PLAGL1: variants seen among roughly 807,000 people sequenced by gnomAD.
PLAGL1 encodes the protein zinc finger protein PLAGL1.
A neutral mutation model predicts 4.6 loss-of-function variants in PLAGL1; 1 was observed. That is an observed-to-expected ratio of 0.22 (90% CI 0.08 to 1.03). The LOEUF is 1.03. Ranked by LOEUF, PLAGL1 falls within the 50% of genes least tolerant of loss-of-function variation. The probability of loss-of-function intolerance (pLI) is 0.58; values close to 1 mark genes in which losing one functional copy is unlikely to be tolerated. For synonymous variants in PLAGL1, 240 were observed against 237.8 expected, an observed-to-expected ratio of 1.01 and a Z score of -0.08; for missense variants, 464 against 570.4, an observed-to-expected ratio of 0.81 and a Z score of 1.90.
rs903841947 is a variant in PLAGL1, at chr6:143,954,010, C to G, written c.-324-5550G>C. Among the ~76,000 whole-genome samples the G allele has an allele frequency of 6.6e-6, 1 of 152,152 alleles. No individual in the cohort carries two copies. Among genetic ancestry groups the G allele is most frequent in the Non-Finnish European group, 1.5e-5 (1 of 68,028 alleles). On this transcript the variant is annotated intron_variant, in intron 6 of 7. Coordinates refer to ENST00000674357, the MANE Select transcript of PLAGL1 (RefSeq NM_001317162.2). This position sits in a 1 kb window ranked among gnomAD's most constrained non-coding sequence, Gnocchi z 5.1. Reference sequence around the variant, plus strand: ...GACTGTATGAAAGTGGGGGAGTAGCCTGACACAGGGTGAATGTCCTCTCTC... The same window carrying G: ...GACTGTATGAAAGTGGGGGAGTAGCGTGACACAGGGTGAATGTCCTCTCTC...
rs141627165 is a variant in PLAGL1 at position 143,941,876 on chromosome 6, C to A, written c.940G>T (p.Ala314Ser). ...GTATCTGCTTTGAGGGGCAGGCTTG[C>A]AAGTGGGGAGTATGAGGTAGAAGTG... ...NTTSTSYSPLASLPLKADTKG... is the reference protein window; with the variant it reads ...NTTSTSYSPLSSLPLKADTKG... The change falls in exon 8 of 8, where the codon GCA becomes TCA. Residue 314 changes from alanine (A) to serine (S), a missense_variant. Coordinates refer to ENST00000674357, the MANE Select transcript of PLAGL1 (RefSeq NM_001317162.2). The surrounding 1 kb of genome is among the most constrained non-coding windows in gnomAD (Gnocchi z 6.0). 138 of 1,614,012 alleles carry A rather than the reference C, an allele frequency of 8.6e-5. 1 individual carries two copies. The highest frequency in any genetic ancestry group is 1.1e-4 in the Non-Finnish European group (125 of 1,180,024).
At position 143,948,764 on chromosome 6, in the gene PLAGL1, AAAC is replaced by A. The variant is rs3060705; in HGVS notation, c.-324-307_-324-305del. Reference sequence around the variant, plus strand: ...GTGAAGCTCCATTGACCAAAGAGAAAAACAACAACAACAACAACAACAACAACA... The same window carrying A: ...GTGAAGCTCCATTGACCAAAGAGAAAAACAACAACAACAACAACAACAACA... On this transcript the variant is annotated intron_variant, in intron 6 of 7. Transcript: ENST00000674357. This position sits in a 1 kb window ranked among gnomAD's most constrained non-coding sequence, Gnocchi z 6.0. Among the ~76,000 whole-genome samples, 1,793 of 107,234 alleles carry A rather than the reference AAAC, an allele frequency of 0.017. 12 individuals are homozygous for A. The highest frequency in any genetic ancestry group is 0.031 in the East Asian group (125 of 4,010). The allele number at this position is 107,234 out of a possible 152,430, so 70.3% of individuals were successfully genotyped here.
In PLAGL1 at chr6:144,005,441, A is replaced by T. The variant is rs1266862143; in HGVS notation, c.-584+2649T>A. The T allele has an allele frequency of 6.6e-6, 1 of 152,214 alleles. No homozygotes were observed. Among genetic ancestry groups the T allele is most frequent in the Non-Finnish European group, 1.5e-5 (1 of 68,020 alleles). 9.4% of individuals were successfully genotyped at this position (152,214 alleles called of 1,614,324 possible). Reference sequence around the variant, plus strand: ...TGTATGTGACAGAAGTGGCACTGCTAATCACTGATATTGGGACAATTACCT... The same window carrying T: ...TGTATGTGACAGAAGTGGCACTGCTTATCACTGATATTGGGACAATTACCT... On this transcript the variant is annotated intron_variant, in intron 1 of 7. Coordinates refer to ENST00000674357, the MANE Select transcript of PLAGL1 (RefSeq NM_001317162.2). This position sits in a 1 kb window ranked among gnomAD's most constrained non-coding sequence, Gnocchi z 4.6.
rs1795358191 is a variant in PLAGL1, at chr6:144,013,635, C to G, written c.-150-44657G>C. 6.6e-6 allele frequency among the ~76,000 whole-genome samples: 1 copy of G among 152,254 alleles called. No individual in the cohort carries two copies. The highest frequency in any genetic ancestry group is 2.4e-5 in the African/African-American group (1 of 41,470). On this transcript the variant is annotated intron_variant, in intron 1 of 3. Transcript: ENST00000437412. This position sits in a 1 kb window ranked among gnomAD's most constrained non-coding sequence, Gnocchi z 4.4. ...TCTAGTGGAGATTCCTTCCTCACAA[C>G]TTCCAGCTTTTGGTGACCACTGCCA...
rs138029384 is a variant in PLAGL1 at position 144,022,665 on chromosome 6, T to C, written c.-151+41803A>G. On this transcript the variant is annotated intron_variant, in intron 1 of 3. Coordinates refer to the PLAGL1 transcript ENST00000437412. The surrounding 1 kb of genome is among the most constrained non-coding windows in gnomAD (Gnocchi z 4.2). Reference sequence around the variant, plus strand: ...TAAGTTTCACCAGATCTGATGGTTTTATGAAAGGGAGTTCCCTTGCACAAG... The same window carrying C: ...TAAGTTTCACCAGATCTGATGGTTTCATGAAAGGGAGTTCCCTTGCACAAG... Among the ~76,000 whole-genome samples, 1,471 of 152,316 alleles carry C rather than the reference T, an allele frequency of 9.7e-3. 11 individuals are homozygous for C. Among genetic ancestry groups the C allele is most frequent in the Middle Eastern group, 0.024 (7 of 294 alleles).
chr6:144,020,474 G>T (rs1290461969), intron 1 of PLAGL1, among the ~76,000 whole-genome samples: 1 of 151,626 alleles, frequency 6.6e-6, no homozygotes, highest in Non-Finnish European at 1.5e-5. Context: ...TCTTTAGTAG[G>T]GTTGGAGTTT....
Position 144,016,577 on chromosome 6 carries a change from T to A in PLAGL1, c.-150-47599A>T, listed in dbSNP as rs999757354. 1.3e-5 allele frequency among the ~76,000 whole-genome samples: 2 copies of A among 152,196 alleles called. No homozygotes were observed. Among genetic ancestry groups the A allele is most frequent in the African/African-American group, 2.4e-5 (1 of 41,450 alleles). On this transcript the variant is annotated intron_variant, in intron 1 of 3. Coordinates refer to the PLAGL1 transcript ENST00000437412. This position sits in a 1 kb window ranked among gnomAD's most constrained non-coding sequence, Gnocchi z 4.2. Reference sequence around the variant, plus strand: ...AAATTTTAGAAACACAAAATTATAGTCTTTCTAAAGCAGATCAATAGTTTT... The same window carrying A: ...AAATTTTAGAAACACAAAATTATAGACTTTCTAAAGCAGATCAATAGTTTT...
rs1793728934 is a variant in PLAGL1, at chr6:144,004,547, T to C, written c.-584+3543A>G. Among the ~76,000 whole-genome samples the C allele has an allele frequency of 6.6e-6, 1 of 152,192 alleles. No homozygotes were observed. Among genetic ancestry groups the C allele is most frequent in the African/African-American group, 2.4e-5 (1 of 41,440 alleles). On this transcript the variant is annotated intron_variant, in intron 1 of 7. Coordinates refer to ENST00000674357, the MANE Select transcript of PLAGL1 (RefSeq NM_001317162.2). This position sits in a 1 kb window ranked among gnomAD's most constrained non-coding sequence, Gnocchi z 4.2. ...TTTAAAAACATTTGAAAATAATACA[T>C]GGTCATAGAAATCGGGACAGTAGTT...
At position 143,947,093 on chromosome 6, in the gene PLAGL1, A is replaced by G. The variant is rs941249185; in HGVS notation, c.152+892T>C. ...AGACTAAATGTAATTTTTTAAAAAGACTCATCTGCTAAAACAGTGCTTTTT... is the reference window on the plus strand; with the variant it reads ...AGACTAAATGTAATTTTTTAAAAAGGCTCATCTGCTAAAACAGTGCTTTTT... On this transcript the variant is annotated intron_variant, in intron 7 of 7. Transcript: ENST00000674357. This position sits in a 1 kb window ranked among gnomAD's most constrained non-coding sequence, Gnocchi z 4.3. 6.6e-6 allele frequency among the ~76,000 whole-genome samples: 1 copy of G among 152,180 alleles called. No homozygotes were observed. Among genetic ancestry groups the G allele is most frequent in the Non-Finnish European group, 1.5e-5 (1 of 68,032 alleles).
intron 1 of PLAGL1, among the ~76,000 whole-genome samples, chr6:144,035,756 T>C (rs1181274170): frequency 6.6e-6 from 1 of 152,222 alleles, no homozygotes; most frequent in African/African-American, 2.4e-5. Context: ...TTCTTGTTTT[T>C]TCTTCTTTTT....
chr6:144,007,831 T>G (rs2281476), intron 1 of PLAGL1: 2 of 152,058 alleles, frequency 1.3e-5, no homozygotes, highest in African/African-American at 4.8e-5. Context: ...GTGGACCTCA[T>G]ACCAGATAGG....
chr6:143,991,828 T>C (rs1790537734), intron 1 of PLAGL1, among the ~76,000 whole-genome samples: 2 of 152,214 alleles, frequency 1.3e-5, no homozygotes, highest in African/African-American at 4.8e-5. Flanking sequence ...TGCCCTGTTA[T>C]ATGCAGTACC....
At chr6:144,044,846 G>A (rs1467461658) in intron 1 of PLAGL1, among the ~76,000 whole-genome samples, 2 of 152,128 alleles carry the variant, frequency 1.3e-5, no homozygotes, top group Admixed American at 1.3e-4. Flanking sequence ...TTATGAATCT[G>A]GGTGCTCCTG....
rs890735503 is a variant in PLAGL1, at chr6:144,053,799, T to A, written c.-151+10669A>T. ...AGTGAACATAGTTATAACCTCGAGA[T>A]CCTTATCAGCACATCCTTCTAGGCA... On this transcript the variant is annotated intron_variant, in intron 1 of 3. Coordinates refer to the PLAGL1 transcript ENST00000437412. The surrounding 1 kb of genome is among the most constrained non-coding windows in gnomAD (Gnocchi z 4.0). Among the ~76,000 whole-genome samples the A allele has an allele frequency of 1.1e-4, 16 of 152,188 alleles. No individual in the cohort carries two copies. The highest frequency in any genetic ancestry group is 3.6e-4 in the African/African-American group (15 of 41,444).
At chr6:144,019,712 T>TG (rs372800807) in intron 1 of PLAGL1, among the ~76,000 whole-genome samples, 40 of 150,134 alleles carry the variant, frequency 2.7e-4, no homozygotes, top group South Asian at 4.2e-4. Context: ...TGAATCTAAG[T>TG]GGGGGGGTAG....
chr6:143,977,334 T>C (rs1020241463), intron 2 of PLAGL1, among the ~76,000 whole-genome samples: 4 of 152,180 alleles, frequency 2.6e-5, no homozygotes, highest in African/African-American at 9.7e-5. Flanking sequence ...AAATGTCATA[T>C]AGTTGAAATT....
chr6:144,009,160 C>G (rs1416545585), upstream of PLAGL1, among the ~76,000 whole-genome samples: 1 of 152,200 alleles, frequency 6.6e-6, no homozygotes, highest in Non-Finnish European at 1.5e-5. Flanking sequence ...CTCCACCTAC[C>G]TTTAGGGGGT....
At chr6:144,020,359 C>G (rs1478423882) in intron 1 of PLAGL1, among the ~76,000 whole-genome samples, 1 of 152,138 alleles carries the variant, frequency 6.6e-6, no homozygotes, top group Admixed American at 6.5e-5. Context: ...GCAATCTCGG[C>G]TCACTGCAAC....
In PLAGL1 at chr6:143,952,596, G is replaced by C. The variant is rs552451637; in HGVS notation, c.-324-4136C>G. ...AGAAGAACATATATATATGGTAACA[G>C]CCAGGAAAGACTGTGTTCCCAGGGG... On this transcript the variant is annotated intron_variant, in intron 6 of 7. Coordinates refer to ENST00000674357, the MANE Select transcript of PLAGL1 (RefSeq NM_001317162.2). The surrounding 1 kb of genome is among the most constrained non-coding windows in gnomAD (Gnocchi z 6.1). Among the ~76,000 whole-genome samples the C allele has an allele frequency of 6.6e-6, 1 of 152,302 alleles. No individual in the cohort carries two copies. The highest frequency in any genetic ancestry group is 1.5e-5 in the Non-Finnish European group (1 of 68,038).
Sources: gnomAD v4.1 joint callset for allele counts (sites outside exome capture counted in the v4.1 genomes callset) on GRCh38, gnomAD v4.1.1 for gene constraint, Gnocchi (gnomAD v3.1) non-coding constraint, MANE v1.5 for transcripts, NCBI Gene and HGNC (gene_info 2026-07-23, HGNC 2026-07-21) for gene names.